The following EIF4EBP1 variants were observed in gnomAD, a reference collection of about 807,000 sequenced individuals.
The protein encoded by EIF4EBP1 is eukaryotic translation initiation factor 4E binding protein 1, also known as eukaryotic translation initiation factor 4E-binding protein 1.
A neutral mutation model predicts 9.2 loss-of-function variants in EIF4EBP1; 5 were observed. The ratio of observed to expected loss-of-function variants is 0.54; its 90% confidence interval spans 0.28 to 1.14. The LOEUF (loss-of-function observed/expected upper bound fraction) is 1.14, where lower values mean the gene tolerates loss of function less well. Among genes scored for constraint, EIF4EBP1 ranks in the 50% most tolerant of loss-of-function variants. The pLI is 0.09. For synonymous variants in EIF4EBP1, 62 were observed against 67.0 expected, an observed-to-expected ratio of 0.93 and a Z score of 0.36; for missense variants, 139 against 169.6, an observed-to-expected ratio of 0.82 and a Z score of 1.00.
chr8:38,038,525 CAG>C (rs1809334190), intron 1 of EIF4EBP1, among the ~76,000 whole-genome samples: 1 of 125,622 alleles, frequency 8.0e-6, no homozygotes, highest in African/African-American at 2.9e-5. Flanking sequence ...AAAAAAAAGG[CAG>C]AGTCTTGTTC....
intron 1 of EIF4EBP1, among the ~76,000 whole-genome samples, chr8:38,051,700 G>C (rs911315415): frequency 6.6e-6 from 1 of 152,250 alleles, no homozygotes; most frequent in Non-Finnish European, 1.5e-5. Flanking sequence ...CCAGGTTCAA[G>C]TGATTCTCCT....
At chr8:38,030,743 C>T in intron 1 of EIF4EBP1, 25 bp downstream of exon 1, 2 of 1,376,568 alleles carry the variant, frequency 1.5e-6, no homozygotes, top group Non-Finnish European at 1.9e-6. Flanking sequence ...GGCGACGCCG[C>T]TTGCCGGCTC....
At chr8:38,036,903 A>T (rs571531197) in intron 1 of EIF4EBP1, among the ~76,000 whole-genome samples, 4 of 150,928 alleles carry the variant, frequency 2.7e-5, no homozygotes, top group African/African-American at 9.8e-5. Flanking sequence ...ACCCGCCTTG[A>T]CCTCCCAAAG....
chr8:38,041,768 A>T (rs1336166008), intron 1 of EIF4EBP1, among the ~76,000 whole-genome samples: 1 of 152,142 alleles, frequency 6.6e-6, no homozygotes, highest in African/African-American at 2.4e-5. Flanking sequence ...AGGCAGGTGG[A>T]TTGCTTGAGG....
intron 2 of EIF4EBP1, among the ~76,000 whole-genome samples, chr8:38,059,158 T>C (rs1809635708): frequency 1.3e-5 from 2 of 152,108 alleles, no homozygotes. Flanking sequence ...CCAAATCTCA[T>C]GTTAAATTGT....
At position 38,032,149 on chromosome 8, in the gene EIF4EBP1, G is replaced by A. The variant is rs1350335819; in HGVS notation, c.145+1431G>A. ...TGGGCCCTGAGGCCGGCCTGAAGGC[G>A]CAGGTAGCCCTTTTTTGCACTCTTT... On this transcript the variant is annotated intron_variant, in intron 1 of 2. Coordinates refer to ENST00000338825, the MANE Select transcript of EIF4EBP1 (RefSeq NM_004095.4). Among the ~76,000 whole-genome samples, 5 of 152,074 alleles carry A rather than the reference G, an allele frequency of 3.3e-5. 1 individual carries two copies. Among genetic ancestry groups the A allele is most frequent in the African/African-American group, 7.3e-5 (3 of 41,340 alleles).
intron 1 of EIF4EBP1, among the ~76,000 whole-genome samples, chr8:38,053,966 C>T (rs531037569): frequency 8.2e-4 from 124 of 152,144 alleles, no homozygotes; most frequent in Middle Eastern, 3.4e-3. Context: ...AGATGATTGG[C>T]GGTGATGGTA....
intron 1 of EIF4EBP1, among the ~76,000 whole-genome samples, chr8:38,044,876 G>A (rs1276716417): frequency 6.6e-6 from 1 of 152,148 alleles, no homozygotes; most frequent in East Asian, 1.9e-4. Context: ...GTTGTAAGGG[G>A]GAATAAGACC....
At chr8:38,044,886 C>A (rs1325085398) in intron 1 of EIF4EBP1, among the ~76,000 whole-genome samples, 1 of 152,120 alleles carries the variant, frequency 6.6e-6, no homozygotes, top group East Asian at 1.9e-4. Flanking sequence ...GGAATAAGAC[C>A]TAGCACGTCA....
At chr8:38,059,488 G>A (rs907027811) in intron 2 of EIF4EBP1, among the ~76,000 whole-genome samples, 1 of 151,654 alleles carries the variant, frequency 6.6e-6, no homozygotes, top group Admixed American at 6.6e-5. Flanking sequence ...ACGGTGGCTC[G>A]CACCTGTAAT....
At chr8:38,031,249 G>A (rs923516632) in intron 1 of EIF4EBP1, among the ~76,000 whole-genome samples, 7 of 152,218 alleles carry the variant, frequency 4.6e-5, no homozygotes, top group Non-Finnish European at 7.3e-5. Flanking sequence ...CGCCTCCCGG[G>A]CACCTGTGGC....
chr8:38,049,297 C>T (rs370611168), intron 1 of EIF4EBP1, among the ~76,000 whole-genome samples: 5 of 151,962 alleles, frequency 3.3e-5, no homozygotes, highest in African/African-American at 7.3e-5. Flanking sequence ...AGACATTTTA[C>T]GCCCTTCTCA....
At chr8:38,056,261 A>G (rs60363412) in intron 1 of EIF4EBP1, among the ~76,000 whole-genome samples, 12,218 of 152,034 alleles carry the variant, frequency 0.08, 1,342 homozygotes, top group African/African-American at 0.25. Flanking sequence ...CAAAGTGCTG[A>G]GATTACAGGT....
intron 1 of EIF4EBP1, among the ~76,000 whole-genome samples, chr8:38,049,980 C>T (rs1038508046): frequency 6.6e-6 from 1 of 151,856 alleles, no homozygotes; most frequent in South Asian, 2.1e-4. Flanking sequence ...GGCACAATCT[C>T]GGCTCACTGC....
intron 2 of EIF4EBP1, among the ~76,000 whole-genome samples, chr8:38,057,637 G>A (rs1228850067): frequency 6.6e-6 from 1 of 152,230 alleles, no homozygotes; most frequent in African/African-American, 2.4e-5. Flanking sequence ...TGGTGCAAGA[G>A]ACAAGTTATC....
chr8:38,035,118 G>T (rs958721225), intron 1 of EIF4EBP1, among the ~76,000 whole-genome samples: 1 of 152,192 alleles, frequency 6.6e-6, no homozygotes, highest in Non-Finnish European at 1.5e-5. Context: ...ATTTTTTAAA[G>T]TGTTGGAAGC....
Position 38,040,866 on chromosome 8 carries a change from C to CTGTTGTTGTTGTTGTTGT in EIF4EBP1, c.145+10162_145+10179dup, listed in dbSNP as rs3067026. The stretch of plus-strand genomic sequence containing the variant: ...ATTCAGGGAGAGGGGAAATACATGC[C>CTGTTGTTGTTGTTGTTGT]TGTTGTTGTTGTTGTTGTTGTTGTT... On this transcript the variant is annotated intron_variant, in intron 1 of 2. Transcript: ENST00000338825. Among the ~76,000 whole-genome samples, 141 of 151,572 alleles carry CTGTTGTTGTTGTTGTTGT rather than the reference C, an allele frequency of 9.3e-4. 1 individual carries two copies. The highest frequency in any genetic ancestry group is 2.4e-3 in the Admixed American group (37 of 15,198).
intron 1 of EIF4EBP1, among the ~76,000 whole-genome samples, chr8:38,045,050 G>T (rs1809432548): frequency 6.6e-6 from 1 of 152,140 alleles, no homozygotes; most frequent in Non-Finnish European, 1.5e-5. Flanking sequence ...TTCTTTGGTT[G>T]CGTATGTTCT....
Position 38,060,354 on chromosome 8 carries a change from C to A in EIF4EBP1, c.*419C>A, listed in dbSNP as rs1023515020. 1.2e-5 allele frequency: 3 copies of A among 260,180 alleles called. No individual in the cohort carries two copies. The Admixed American group carries it at 1.5e-4, about 13-fold the overall frequency. The allele number at this position is 260,180 out of a possible 1,614,324, so 16.1% of individuals were successfully genotyped here. On this transcript the variant is annotated 3_prime_UTR_variant, in exon 3 of 3. Coordinates refer to ENST00000338825, the MANE Select transcript of EIF4EBP1 (RefSeq NM_004095.4). ...AGAGGAAATAAAAGCCACCTTCGCC[C>A]TAGGGCCAAGAGTTGGGCCCCGTCT...
Sources: gnomAD v4.1 joint callset for allele counts (sites outside exome capture counted in the v4.1 genomes callset) on GRCh38, gnomAD v4.1.1 for gene constraint, MANE v1.5 for transcripts, NCBI Gene and HGNC (gene_info 2026-07-23, HGNC 2026-07-21) for gene names.